TRIM2: variants seen among roughly 807,000 people sequenced by gnomAD.
TRIM2 encodes the protein tripartite motif containing 2, also known as tripartite motif-containing protein 2.
TRIM2 carries 20 observed loss-of-function variants against 75.2 expected under a neutral mutation model. That is an observed-to-expected ratio of 0.27 (90% CI 0.19 to 0.39). The LOEUF is 0.39. TRIM2 is among the 10% of genes least tolerant of loss of function. The pLI, the probability that TRIM2 is intolerant of heterozygous loss-of-function variation, is 1.00. For missense variants in TRIM2, 660 were observed against 990.8 expected, an observed-to-expected ratio of 0.67 and a Z score of 4.48; for synonymous variants, 373 against 388.3, an observed-to-expected ratio of 0.96 and a Z score of 0.46.
At chr4:153,334,003 A>G (rs77297041) in intron 11 of TRIM2, among the ~76,000 whole-genome samples, 3,731 of 151,844 alleles carry the variant, frequency 0.025, 158 homozygotes, top group African/African-American at 0.085. Flanking sequence ...GGAAAAAATA[A>G]TTTCTACTGT....
chr4:153,272,844 TG>T (rs1757044445), intron 2 of TRIM2, among the ~76,000 whole-genome samples: 2 of 152,068 alleles, frequency 1.3e-5, no homozygotes, highest in African/African-American at 4.8e-5. Flanking sequence ...TTTGTTTGTT[TG>T]TTTGTTTGTT....
chr4:153,332,629 G>C (rs1771732291), intron 11 of TRIM2, among the ~76,000 whole-genome samples: 1 of 150,274 alleles, frequency 6.7e-6, no homozygotes, highest in African/African-American at 2.4e-5. Context: ...TGGGTGACAA[G>C]AGTGAAATTT....
At chr4:153,251,773 G>T (rs192142935) in intron 1 of TRIM2, among the ~76,000 whole-genome samples, 1 of 152,230 alleles carries the variant, frequency 6.6e-6, no homozygotes, top group Admixed American at 6.5e-5. Flanking sequence ...GAGCCCAGGA[G>T]TTCTAGACCA....
chr4:153,270,915 TAC>T (rs1379813099), intron 2 of TRIM2, among the ~76,000 whole-genome samples: 2 of 152,216 alleles, frequency 1.3e-5, no homozygotes, highest in Non-Finnish European at 2.9e-5. Flanking sequence ...AACATCTGCA[TAC>T]ATGAGTTGTT....
At chr4:153,281,104 T>A (rs902475622) in intron 3 of TRIM2, among the ~76,000 whole-genome samples, 2 of 152,242 alleles carry the variant, frequency 1.3e-5, no homozygotes, top group African/African-American at 2.4e-5. Flanking sequence ...AAATCATTTA[T>A]GGAAAAATGT....
chr4:153,308,748 A>C (rs551690502), intron 6 of TRIM2: 29 of 538,242 alleles, frequency 5.4e-5, no homozygotes, highest in Admixed American at 3.4e-4. Flanking sequence ...ACAGGATTTC[A>C]TGAACAGCAG....
At chr4:153,253,505 A>G (rs1751349071) in intron 1 of TRIM2, among the ~76,000 whole-genome samples, 1 of 152,202 alleles carries the variant, frequency 6.6e-6, no homozygotes, top group South Asian at 2.1e-4. Context: ...AAAAAAATAC[A>G]TGTGGAACTG....
At position 153,246,686 on chromosome 4, in the gene TRIM2, AG is replaced by A. The variant is rs553968895; in HGVS notation, c.31-23648del. Among the ~76,000 whole-genome samples, 18 of 152,256 alleles carry A rather than the reference AG, an allele frequency of 1.2e-4. No homozygotes were observed. The East Asian group carries it at 3.3e-3, about 28-fold the overall frequency. On this transcript the variant is annotated intron_variant, in intron 1 of 11. Transcript: ENST00000338700. ...GGTGGGAGAAAGGGGGAGGAAGAAT[AG>A]AGGATGAGAGACATTATCAAGGAAG...
At chr4:153,327,484 A>T (rs1341093243) in intron 10 of TRIM2, among the ~76,000 whole-genome samples, 1 of 152,244 alleles carries the variant, frequency 6.6e-6, no homozygotes, top group Admixed American at 6.5e-5. Context: ...CCTTACTCTC[A>T]AAGTGCCTTT....
chr4:153,287,999 T>C (rs1761031482), intron 3 of TRIM2, among the ~76,000 whole-genome samples: 1 of 152,212 alleles, frequency 6.6e-6, no homozygotes, highest in Admixed American at 6.5e-5. Context: ...TTTCTGGTAA[T>C]GTGTTAATTT....
chr4:153,222,023 A>AGG (rs1740579731), intron 1 of TRIM2, among the ~76,000 whole-genome samples: 1 of 44,492 alleles, frequency 2.2e-5, no homozygotes, highest in Non-Finnish European at 4.8e-5. Context: ...AGGAAAGAGC[A>AGG]AGGAAGGAAG....
intron 1 of TRIM2, among the ~76,000 whole-genome samples, chr4:153,241,241 G>C (rs1454623964): frequency 2.6e-5 from 4 of 152,186 alleles, no homozygotes; most frequent in Non-Finnish European, 5.9e-5. Context: ...TCTCACAGGA[G>C]TACCTGGTCT....
rs1219127471 is a variant in TRIM2, at chr4:153,315,867, T to C, written c.1650T>C (p.Phe550=). 3 of 1,614,208 alleles carry C rather than the reference T, an allele frequency of 1.9e-6. No individual in the cohort carries two copies. The highest frequency in any genetic ancestry group is 1.7e-6 in the Non-Finnish European group (2 of 1,180,042). Residue 550 remains phenylalanine, a synonymous_variant, in exon 8 of 12, where the codon TTT becomes TTC. Transcript: ENST00000338700. ...ATGATGGCCAGTTCAAAAGTCGTTT[T>C]GGCATACGGGGACGCTCTCCGGGGC... is the stretch of plus-strand genomic sequence containing the variant. ...FSNDGQFKSR[F]GIRGRSPGQL...
In TRIM2 at chr4:153,235,671, T is replaced by C. The variant is rs1744844780; in HGVS notation, c.30+31111T>C. Among the ~76,000 whole-genome samples, 3 of 152,194 alleles carry C rather than the reference T, an allele frequency of 2.0e-5. No individual in the cohort carries two copies. In the South Asian group the frequency reaches 6.2e-4, roughly 31 times the overall value. On this transcript the variant is annotated intron_variant, in intron 1 of 11. Coordinates refer to ENST00000338700, the MANE Select transcript of TRIM2 (RefSeq NM_015271.5). ...AGTTAATAAATGGCTGTGATTCTTT[T>C]TCATTTTTAAAGAAGGCTCAATTCA...
At chr4:153,236,767 C>T (rs1289368102) in intron 1 of TRIM2, among the ~76,000 whole-genome samples, 1 of 152,070 alleles carries the variant, frequency 6.6e-6, no homozygotes, top group East Asian at 1.9e-4. Context: ...TCACAGCTCA[C>T]TGCAGCCTCG....
At chr4:153,323,795 G>A (rs1208551298) in intron 9 of TRIM2, among the ~76,000 whole-genome samples, 1 of 152,148 alleles carries the variant, frequency 6.6e-6, no homozygotes, top group African/African-American at 2.4e-5. Flanking sequence ...CACGGAGAAT[G>A]AATTCTGATG....
chr4:153,287,444 T>G (rs1420516801), intron 3 of TRIM2, among the ~76,000 whole-genome samples: 2 of 152,226 alleles, frequency 1.3e-5, no homozygotes, highest in African/African-American at 2.4e-5. Flanking sequence ...AAAGAAAGGC[T>G]TTCTTTCCTT....
chr4:153,272,183 C>T (rs553634076), intron 2 of TRIM2, among the ~76,000 whole-genome samples: 1 of 152,284 alleles, frequency 6.6e-6, no homozygotes, highest in Non-Finnish European at 1.5e-5. Context: ...GAGTCGCACT[C>T]TGTTGCCCAG....
chr4:153,294,591 A>G (rs1579423804), intron 5 of TRIM2, 106 bp downstream of exon 5: 5 of 1,136,338 alleles, frequency 4.4e-6, no homozygotes, highest in East Asian at 2.6e-5. Flanking sequence ...TCATCATTGT[A>G]TAGTAAACTA....
Sources: allele counts gnomAD v4.1 joint callset (sites outside exome capture counted in the v4.1 genomes callset), GRCh38; gene constraint gnomAD v4.1.1; transcripts MANE v1.5; gene names NCBI Gene and HGNC (gene_info 2026-07-23, HGNC 2026-07-21).